The following CLEC1B variants were observed in gnomAD, a reference collection of about 807,000 sequenced individuals.
CLEC1B encodes C-type lectin-like receptor 2.
In CLEC1B, 26 loss-of-function variants were observed where a neutral mutation model predicts 26.7. The observed-to-expected ratio is 0.97, with a 90% CI of 0.71 to 1.35. CLEC1B has a LOEUF of 1.35. Ranked by LOEUF, CLEC1B falls within the 40% of genes most tolerant of loss-of-function variation. The pLI is 0.00. For synonymous variants in CLEC1B, 112 were observed against 96.0 expected, an observed-to-expected ratio of 1.17 and a Z score of -0.97; for missense variants, 293 against 282.6, an observed-to-expected ratio of 1.04 and a Z score of -0.26.
At chr12:9,995,507 A>G (rs1865021665) in intron 4 of CLEC1B, 3 of 400,186 alleles carry the variant, frequency 7.5e-6, no homozygotes, top group East Asian at 5.8e-5. Flanking sequence ...ATGTATTTAG[A>G]TCTTCAACCA....
chr12:9,993,392 A>T, intron 5 of CLEC1B, 105 bp from the exon 6 acceptor site: 1 of 700,606 alleles, frequency 1.4e-6, no homozygotes, highest in Non-Finnish European at 2.2e-6. Flanking sequence ...ACTGAGGAAA[A>T]TAGGAAAAAA....
chr12:9,997,513 A>G (rs944692568), intron 2 of CLEC1B, among the ~76,000 whole-genome samples: 21 of 152,186 alleles, frequency 1.4e-4, no homozygotes, highest in Admixed American at 3.9e-4. Context: ...GACAATCACA[A>G]ATAAAAAATC....
intron 3 of CLEC1B, 74 bp downstream of exon 3, chr12:9,997,086 A>AG (rs1865070230): frequency 6.2e-7 from 1 of 1,609,234 alleles, no homozygotes; most frequent in Non-Finnish European, 8.5e-7. Flanking sequence ...GCAGATCTCA[A>AG]ACTCCCTTCA....
intron 1 of CLEC1B, 64 bp downstream of exon 1, chr12:9,998,973 G>C: frequency 1.1e-6 from 1 of 946,778 alleles, no homozygotes; most frequent in Non-Finnish European, 1.7e-6. Context: ...AGTAGAAAAA[G>C]AAAGAATTGA....
chr12:9,996,631 A>G, intron 4 of CLEC1B: 1 of 662,922 alleles, frequency 1.5e-6, no homozygotes, highest in South Asian at 1.6e-5. Flanking sequence ...GGAAGGGACA[A>G]GTCAATTTGA....
At chr12:10,000,637 C>G (rs150067145), upstream of CLEC1B, among the ~76,000 whole-genome samples, 2 of 152,322 alleles carry the variant, frequency 1.3e-5, no homozygotes, top group Admixed American at 1.3e-4. Context: ...CAATCATAAG[C>G]TGGGTAAATT....
In CLEC1B at chr12:9,999,117, CA is replaced by C; in HGVS notation, c.-18del. 6.3e-7 allele frequency: 1 copy of C among 1,575,364 alleles called. No individual in the cohort carries two copies. The highest frequency in any genetic ancestry group is 8.7e-7 in the Non-Finnish European group (1 of 1,152,440). On this transcript the variant is annotated 5_prime_UTR_variant, in exon 1 of 6. Transcript: ENST00000298527. ...ATCCTGCATGGCTTCCCGAGTACTG[CA>C]ACTGAGCTCAGAGTTCAATGACTTT...
At chr12:10,001,125 A>G (rs991910923), upstream of CLEC1B, among the ~76,000 whole-genome samples, 18 of 152,228 alleles carry the variant, frequency 1.2e-4, no homozygotes, top group African/African-American at 4.1e-4. Flanking sequence ...AAATTATTGT[A>G]AACATTTTTT....
chr12:9,998,439 G>C, intron 1 of CLEC1B, 59 bp from the exon 2 acceptor site: 1 of 1,293,088 alleles, frequency 7.7e-7, no homozygotes, highest in Non-Finnish European at 1.1e-6. Context: ...TATGGGGAAG[G>C]CTCACCCCTG....
intron 3 of CLEC1B, 40 bp downstream of exon 3, chr12:9,997,120 G>C (rs1283018534): frequency 6.2e-7 from 1 of 1,611,550 alleles, no homozygotes; most frequent in Non-Finnish European, 8.5e-7. Context: ...AAATGCTCCA[G>C]GGGTTGGAGA....
rs1267399092 is a variant in CLEC1B, at chr12:9,998,588, A to C, written c.65-208T>G. 7.0e-5 allele frequency among the ~76,000 whole-genome samples: 10 copies of C among 143,806 alleles called. 2 individuals carry two copies. Among genetic ancestry groups the C allele is most frequent in the Admixed American group, 2.1e-4 (3 of 14,294 alleles). The allele number at this position is 143,806 out of a possible 152,430, so 94.3% of individuals were successfully genotyped here. A position where few individuals can be genotyped will look rare whatever the true frequency, so the allele number is the denominator to read the frequency against. ...ATACATCCATTCTCATCTCCAATGC[A>C]CTTTACCTCTCCAAGCTGAAATATT... On this transcript the variant is annotated intron_variant, in intron 1 of 5. Coordinates refer to ENST00000298527, the MANE Select transcript of CLEC1B (RefSeq NM_016509.4).
At chr12:9,993,441 C>A in intron 5 of CLEC1B, 154 bp from the exon 6 acceptor site, 1 of 684,072 alleles carries the variant, frequency 1.5e-6, no homozygotes, top group Admixed American at 2.6e-5. Flanking sequence ...TGAGAAAGTT[C>A]CACCCTGCTT....
intron 4 of CLEC1B, among the ~76,000 whole-genome samples, chr12:9,996,291 T>C (rs768092181): frequency 1.5e-4 from 23 of 152,204 alleles, no homozygotes; most frequent in Non-Finnish European, 3.1e-4. Context: ...AATCCAACTA[T>C]ACAATTTCTT....
intron 4 of CLEC1B, chr12:9,995,634 A>G: frequency 3.8e-6 from 1 of 266,586 alleles, no homozygotes; most frequent in Non-Finnish European, 7.3e-6. Flanking sequence ...CTTAGAGTTA[A>G]AGCCCTACCT....
chr12:9,998,659 G>GTT (rs1241016496), intron 1 of CLEC1B, among the ~76,000 whole-genome samples: 1 of 151,592 alleles, frequency 6.6e-6, no homozygotes, highest in Non-Finnish European at 1.5e-5. Flanking sequence ...GTTTTGTTTT[G>GTT]TTTTGTTTTG....
rs535930013 is a variant in CLEC1B, at chr12:9,993,257, A to T, written c.576T>A (p.Asn192Lys). Residue 192 changes from asparagine (N) to lysine (K), a missense_variant, in exon 6 of 6, where the codon AAT becomes AAA. By Grantham distance (94) the Asn-to-Lys change is moderately conservative. Transcript: ENST00000298527. The part of the protein sequence containing the change: ...MFEFLEDGKG[N>K]MNCAYFHNGK... ...CATTATGAAAATAAGCACAATTCATATTTCCTTTTCCATCTTCCAAAAACT... is the reference window on the plus strand; with the variant it reads ...CATTATGAAAATAAGCACAATTCATTTTTCCTTTTCCATCTTCCAAAAACT... 1.4e-5 allele frequency: 22 copies of T among 1,612,920 alleles called. No individual in the cohort carries two copies. The South Asian group carries it at 2.3e-4, about 17-fold the overall frequency.
At chr12:9,999,256 T>C (rs140809818), upstream of CLEC1B, 71 of 519,272 alleles carry the variant, frequency 1.4e-4, no homozygotes, top group East Asian at 2.1e-3. Context: ...CTTTGCTTAT[T>C]GTTTTCCAGG....
At position 9,993,179 on chromosome 12, in the gene CLEC1B, C is replaced by G. The variant is rs771574163; in HGVS notation, c.654G>C (p.Arg218Ser). The G allele has an allele frequency of 1.2e-6, 2 of 1,612,122 alleles. No homozygotes were observed. The highest frequency in any genetic ancestry group is 1.7e-6 in the Non-Finnish European group (2 of 1,179,022). ...CENKHYLMCE[R>S]KAGMTKVDQL... The stretch of plus-strand genomic sequence containing the variant: ...GGTCCACCTTGGTCATGCCAGCCTT[C>G]CTCTCACACATTAAATAATGTTTGT... Residue 218 changes from arginine (R) to serine (S), a missense_variant, in exon 6 of 6, where the codon AGG becomes AGC. Transcript: ENST00000298527.
intron 5 of CLEC1B, among the ~76,000 whole-genome samples, chr12:9,994,552 G>A (rs1173971155): frequency 1.3e-5 from 2 of 152,034 alleles, no homozygotes; most frequent in East Asian, 3.8e-4. Context: ...AAGCCATATA[G>A]GAAGCAACTC....
Sources: gnomAD v4.1 joint callset for allele counts (sites outside exome capture counted in the v4.1 genomes callset) on GRCh38, gnomAD v4.1.1 for gene constraint, MANE v1.5 for transcripts, NCBI Gene and HGNC (gene_info 2026-07-23, HGNC 2026-07-21) for gene names.